SLC14A2: variants seen among roughly 807,000 people sequenced by gnomAD.
The protein encoded by SLC14A2 is urea transporter 2.
SLC14A2 carries 91 observed loss-of-function variants against 104.6 expected under a neutral mutation model. The ratio of observed to expected loss-of-function variants is 0.87; its 90% CI spans 0.73 to 1.04. The LOEUF is 1.04. Ranked by LOEUF, SLC14A2 falls within the 50% of genes least tolerant of loss-of-function variation. The pLI is 0.00. For synonymous variants in SLC14A2, 476 were observed against 466.4 expected (o/e 1.02, Z -0.27); for missense variants, 1,189 against 1,156.0 (o/e 1.03, Z -0.41).
At chr18:45,396,263 G>A (rs188790088) in intron 1 of SLC14A2, among the ~76,000 whole-genome samples, 7 of 152,242 alleles carry the variant, frequency 4.6e-5, no homozygotes, top group Admixed American at 4.6e-4. Context: ...TCCCAGATCT[G>A]TGTGATCCCA....
intron 1 of SLC14A2, among the ~76,000 whole-genome samples, chr18:45,286,742 G>A (rs2084818863): frequency 6.6e-6 from 1 of 152,138 alleles, no homozygotes; most frequent in Non-Finnish European, 1.5e-5. Context: ...GTGTGTCTGT[G>A]TGTCTCTGTG....
intron 1 of SLC14A2, among the ~76,000 whole-genome samples, chr18:45,450,886 T>A (rs749402971): frequency 6.6e-6 from 1 of 152,044 alleles, no homozygotes; most frequent in Non-Finnish European, 1.5e-5. Context: ...GAATAAAGGG[T>A]CCATCATTTA....
At chr18:45,552,316 G>C (rs575000900) in intron 2 of SLC14A2, among the ~76,000 whole-genome samples, 1 of 152,154 alleles carries the variant, frequency 6.6e-6, no homozygotes, top group African/African-American at 2.4e-5. Flanking sequence ...CCCATGGCCC[G>C]CATAGCAGCA....
intron 10 of SLC14A2, among the ~76,000 whole-genome samples, chr18:45,659,220 T>A (rs1475672144): frequency 2.0e-5 from 3 of 152,380 alleles, no homozygotes; most frequent in Non-Finnish European, 4.4e-5. Flanking sequence ...GCAGAGTCCC[T>A]GGGCTCAGGC....
intron 1 of SLC14A2, among the ~76,000 whole-genome samples, chr18:45,255,948 G>C (rs532925253): frequency 2.1e-4 from 32 of 152,224 alleles, no homozygotes; most frequent in African/African-American, 7.5e-4. Flanking sequence ...GCTTTCTAGA[G>C]ATCTTAAAAG....
In SLC14A2 at chr18:45,538,409, C is replaced by T. The variant is rs2043829864; in HGVS notation, c.-35+55087C>T. Among the ~76,000 whole-genome samples, 4 of 152,294 alleles carry T rather than the reference C, an allele frequency of 2.6e-5. No individual in the cohort carries two copies. The South Asian group carries it at 8.3e-4, about 32-fold the overall frequency. On this transcript the variant is annotated intron_variant, in intron 2 of 20. Transcript: ENST00000586448. ...TGGCTTAGAGTCTTTCGTGAGGTTT[C>T]AGTTAAGCTATTATCCAAGGCCACG...
At chr18:45,648,039 A>T (rs1214640100) in intron 10 of SLC14A2, 1 of 138,234 alleles carries the variant, frequency 7.2e-6, no homozygotes, top group Non-Finnish European at 1.5e-5. Context: ...TTAAAAATCA[A>T]CTATAATTGT....
chr18:45,419,918 G>A (rs1372636894), intron 1 of SLC14A2, among the ~76,000 whole-genome samples: 1 of 152,180 alleles, frequency 6.6e-6, no homozygotes, highest in Non-Finnish European at 1.5e-5. Context: ...CTTAGAAATA[G>A]CTGCTCTGTT....
At chr18:45,340,888 C>G (rs769723659) in intron 1 of SLC14A2, among the ~76,000 whole-genome samples, 18 of 152,138 alleles carry the variant, frequency 1.2e-4, no homozygotes, top group Non-Finnish European at 2.5e-4. Flanking sequence ...ACCTGCAACC[C>G]CAAAGGGTGG....
At chr18:45,561,786 A>G (rs1425948473) in intron 2 of SLC14A2, among the ~76,000 whole-genome samples, 1 of 152,178 alleles carries the variant, frequency 6.6e-6, no homozygotes, top group African/African-American at 2.4e-5. Context: ...CTAAAACACT[A>G]TATAGTATTT....
At chr18:45,201,971 G>A in the SLC14A2 span, among the ~76,000 whole-genome samples, 5 of 152,194 alleles carry the variant, frequency 3.3e-5, no homozygotes, top group African/African-American at 9.6e-5. Context: ...CTAAGAATGG[G>A]TCTAATAATG....
intron 1 of SLC14A2, among the ~76,000 whole-genome samples, chr18:45,259,860 G>T (rs2084517725): frequency 6.6e-6 from 1 of 152,192 alleles, no homozygotes; most frequent in African/African-American, 2.4e-5. Flanking sequence ...GGCAGGATTT[G>T]TTTTGTCCCT....
intron 2 of SLC14A2, among the ~76,000 whole-genome samples, chr18:45,511,892 A>G (rs1176591805): frequency 6.6e-6 from 1 of 152,064 alleles, no homozygotes; most frequent in Non-Finnish European, 1.5e-5. Flanking sequence ...AGTTCACTTT[A>G]GGAGATAAAG....
chr18:45,637,265 C>T (rs1301841772), intron 6 of SLC14A2, 83 bp downstream of exon 6: 6 of 1,065,256 alleles, frequency 5.6e-6, no homozygotes, highest in Non-Finnish European at 8.3e-6. Context: ...ACTATCCATG[C>T]TCTCAACTTC....
intron 1 of SLC14A2, among the ~76,000 whole-genome samples, chr18:45,353,512 G>A (rs1486506911): frequency 6.6e-6 from 1 of 152,212 alleles, no homozygotes; most frequent in Non-Finnish European, 1.5e-5. Flanking sequence ...ATGTGACCTG[G>A]TATAGCACAG....
At chr18:45,578,620 T>C (rs2044446975) in intron 2 of SLC14A2, among the ~76,000 whole-genome samples, 1 of 150,010 alleles carries the variant, frequency 6.7e-6, no homozygotes, top group South Asian at 2.1e-4. Flanking sequence ...TTGGAATACA[T>C]ACAATTTTGC....
Position 45,348,124 on chromosome 18 carries a change from CT to C in SLC14A2, c.-125+134934del, listed in dbSNP as rs141877266. Among the ~76,000 whole-genome samples, 701 of 152,330 alleles carry C rather than the reference CT, an allele frequency of 4.6e-3. 5 individuals are homozygous for C. Among genetic ancestry groups the C allele is most frequent in the Non-Finnish European group, 6.7e-3 (458 of 68,032 alleles). On this transcript the variant is annotated intron_variant, in intron 1 of 20. Coordinates refer to the SLC14A2 transcript ENST00000586448. ...ATCCAGAACACAGGGACAATTTCTC[CT>C]GCAGGAGTCTGCTTAACTCTTCTAC... is the stretch of plus-strand genomic sequence containing the variant.
intron 1 of SLC14A2, among the ~76,000 whole-genome samples, chr18:45,273,264 C>G (rs755470173): frequency 6.6e-6 from 1 of 152,092 alleles, no homozygotes; most frequent in Non-Finnish European, 1.5e-5. Flanking sequence ...GTAAGCTCAG[C>G]AGTAAAGAGA....
intron 1 of SLC14A2, among the ~76,000 whole-genome samples, chr18:45,454,486 T>C (rs1353608974): frequency 2.0e-5 from 3 of 152,242 alleles, no homozygotes; most frequent in Non-Finnish European, 4.4e-5. Flanking sequence ...TTTCTTTTGC[T>C]ATGCAAAAGC....
Sources: allele counts gnomAD v4.1 joint callset (sites outside exome capture counted in the v4.1 genomes callset), GRCh38; gene constraint gnomAD v4.1.1; transcripts MANE v1.5; gene names NCBI Gene and HGNC (gene_info 2026-07-23, HGNC 2026-07-21).